Variants in FHIT observed in about 807,000 individuals in gnomAD.
FHIT encodes the protein bis(5'-adenosyl)-triphosphatase.
Under a neutral mutation model 17.9 loss-of-function variants are expected in FHIT, and 19 were observed. The ratio of observed to expected loss-of-function variants is 1.06; its 90% CI spans 0.74 to 1.56. FHIT has a LOEUF of 1.56. Ranked by LOEUF, FHIT falls within the 40% of genes most tolerant of loss-of-function variation. The pLI is 0.00. For missense variants in FHIT, 248 were observed against 189.2 expected (o/e 1.31, Z -1.82); for synonymous variants, 81 against 69.7 (o/e 1.16, Z -0.81).
intron 5 of FHIT, among the ~76,000 whole-genome samples, chr3:60,212,875 C>T (rs17395576): frequency 1.3e-5 from 2 of 152,028 alleles, no homozygotes; most frequent in Non-Finnish European, 2.9e-5. Context: ...ACCAGCAAAT[C>T]CGGGTTTGTT....
At chr3:60,427,629 A>T (rs560690899) in intron 5 of FHIT, among the ~76,000 whole-genome samples, 1 of 152,086 alleles carries the variant, frequency 6.6e-6, no homozygotes, top group East Asian at 1.9e-4. Context: ...ATGTGGGTTA[A>T]TTTTTCCTGG....
intron 2 of FHIT, among the ~76,000 whole-genome samples, chr3:61,155,385 C>A (rs1223248608): frequency 6.6e-6 from 1 of 151,860 alleles, no homozygotes; most frequent in Non-Finnish European, 1.5e-5. Flanking sequence ...TTTAATTAAA[C>A]TGAATCAAAT....
At chr3:60,646,822 A>G (rs1195158767) in intron 4 of FHIT, among the ~76,000 whole-genome samples, 6 of 152,234 alleles carry the variant, frequency 3.9e-5, no homozygotes, top group African/African-American at 1.4e-4. Flanking sequence ...CCTGGCCTTA[A>G]TTCAAATCAG....
At position 60,535,696 on chromosome 3, in the gene FHIT, C is replaced by T. The variant is rs545856920; in HGVS notation, c.103+1164G>A. The T allele has an allele frequency of 2.4e-3, 361 of 151,478 alleles. 1 individual carries two copies. The highest frequency in any genetic ancestry group is 8.1e-3 in the African/African-American group (334 of 41,310). 9.4% of individuals were successfully genotyped at this position (151,478 alleles called of 1,614,324 possible). A position where few individuals can be genotyped will look rare whatever the true frequency, so the allele number is the denominator to read the frequency against. ...AGCTTACATATTTACTAGAGTATTG[C>T]TTATTAGTTTTCTAAATTAATACAA... On this transcript the variant is annotated intron_variant, in intron 5 of 9. Transcript: ENST00000492590.
intron 8 of FHIT, among the ~76,000 whole-genome samples, chr3:59,888,852 C>T (rs2106998109): frequency 6.6e-6 from 1 of 152,318 alleles, no homozygotes; most frequent in Non-Finnish European, 1.5e-5. Context: ...GTTCTGGAGG[C>T]TGGGAAGTCC....
intron 8 of FHIT, among the ~76,000 whole-genome samples, chr3:59,901,384 G>A (rs1018484335): frequency 6.6e-6 from 1 of 152,086 alleles, no homozygotes; most frequent in African/African-American, 2.4e-5. Context: ...GGTATCATGA[G>A]GATTACGAGT....
At chr3:60,397,002 C>G (rs1190299836) in intron 5 of FHIT, among the ~76,000 whole-genome samples, 1 of 152,088 alleles carries the variant, frequency 6.6e-6, no homozygotes, top group East Asian at 1.9e-4. Context: ...TTTTCATTGT[C>G]CACAAAATCA....
chr3:60,587,794 A>G (rs1172467401), intron 4 of FHIT, among the ~76,000 whole-genome samples: 1 of 151,974 alleles, frequency 6.6e-6, no homozygotes, highest in East Asian at 1.9e-4. Flanking sequence ...TTTTTATTTT[A>G]TCCTCTGACC....
At chr3:61,225,098 C>T (rs538362483) in intron 1 of FHIT, among the ~76,000 whole-genome samples, 14 of 151,930 alleles carry the variant, frequency 9.2e-5, no homozygotes, top group African/African-American at 3.1e-4. Context: ...AGAGCCTGTG[C>T]TCTACACAAC....
intron 4 of FHIT, among the ~76,000 whole-genome samples, chr3:60,650,967 C>T (rs9853818): frequency 0.26 from 39,920 of 151,794 alleles, 6,223 homozygotes; most frequent in East Asian, 0.74. Flanking sequence ...AATGGTTGAG[C>T]ACTTCATATA....
At chr3:60,683,768 A>G in intron 4 of FHIT, among the ~76,000 whole-genome samples, 1 of 152,200 alleles carries the variant, frequency 6.6e-6, no homozygotes, top group African/African-American at 2.4e-5. Context: ...ACACTTCAAG[A>G]AATTCACTAG....
chr3:60,945,465 T>A (rs1276699654), intron 3 of FHIT, among the ~76,000 whole-genome samples: 1 of 152,180 alleles, frequency 6.6e-6, no homozygotes, highest in Non-Finnish European at 1.5e-5. Flanking sequence ...CAATCTTGGC[T>A]CACTGCAACC....
chr3:59,788,577 T>C (rs1699410657), intron 8 of FHIT, among the ~76,000 whole-genome samples: 1 of 152,174 alleles, frequency 6.6e-6, no homozygotes, highest in Admixed American at 6.5e-5. Context: ...TCATTCTAGA[T>C]TGGCCCTCTC....
chr3:60,390,778 A>G (rs1701198183), intron 5 of FHIT, among the ~76,000 whole-genome samples: 1 of 152,188 alleles, frequency 6.6e-6, no homozygotes, highest in Admixed American at 6.5e-5. Context: ...TACACTAAAG[A>G]TATAAAGATA....
At chr3:59,970,256 G>A (rs1297426227) in intron 7 of FHIT, among the ~76,000 whole-genome samples, 1 of 152,126 alleles carries the variant, frequency 6.6e-6, no homozygotes, top group Non-Finnish European at 1.5e-5. Flanking sequence ...GGGAAAATAT[G>A]AGAGCACAAG....
chr3:60,229,852 C>T (rs894535975), intron 5 of FHIT, among the ~76,000 whole-genome samples: 1 of 152,080 alleles, frequency 6.6e-6, no homozygotes, highest in East Asian at 1.9e-4. Context: ...CATGGTGATG[C>T]ACGCCTATAA....
intron 4 of FHIT, among the ~76,000 whole-genome samples, chr3:60,724,154 C>T (rs1320769574): frequency 6.6e-6 from 1 of 152,170 alleles, no homozygotes; most frequent in African/African-American, 2.4e-5. Flanking sequence ...TTCTCCCAAC[C>T]ACCCAGCTAG....
chr3:60,147,304 G>C (rs1224939626), intron 5 of FHIT, among the ~76,000 whole-genome samples: 2 of 152,152 alleles, frequency 1.3e-5, no homozygotes, highest in Admixed American at 6.5e-5. Context: ...GTATGAGATA[G>C]AGTTCAAATT....
intron 4 of FHIT, among the ~76,000 whole-genome samples, chr3:60,713,420 C>G (rs556416730): frequency 1.1e-3 from 171 of 150,410 alleles, no homozygotes; most frequent in African/African-American, 4.1e-3. Context: ...CAAGAAATAA[C>G]TAAAATCAGA....
Sources: allele counts gnomAD v4.1 joint callset (sites outside exome capture counted in the v4.1 genomes callset), GRCh38; gene constraint gnomAD v4.1.1; transcripts MANE v1.5; gene names NCBI Gene and HGNC (gene_info 2026-07-23, HGNC 2026-07-21).